ITGA9: variants seen among roughly 807,000 people sequenced by gnomAD.
ITGA9 encodes the protein integrin alpha-9.
ITGA9 carries 56 observed loss-of-function variants against 127.8 expected under a neutral mutation model. The observed-to-expected ratio is 0.44, with a 90% CI of 0.35 to 0.55. The LOEUF is 0.55. Ranked by LOEUF, ITGA9 falls within the 20% of genes least tolerant of loss-of-function variation. The pLI is 0.00. For synonymous variants in ITGA9, 508 were observed against 514.5 expected (o/e 0.99, Z 0.17); for missense variants, 1,196 against 1,347.1 (o/e 0.89, Z 1.76).
At chr3:37,789,514 C>G (rs1387608329) in intron 26 of ITGA9, among the ~76,000 whole-genome samples, 1 of 151,692 alleles carries the variant, frequency 6.6e-6, no homozygotes, top group Non-Finnish European at 1.5e-5. Flanking sequence ...AATCCTAGCA[C>G]TTTGGGAGGC....
At chr3:37,509,036 A>G (rs188781737) in intron 8 of ITGA9, among the ~76,000 whole-genome samples, 22 of 152,256 alleles carry the variant, frequency 1.4e-4, no homozygotes, top group Non-Finnish European at 2.9e-4. Context: ...TCACCAGCCC[A>G]ACATTACCCC....
chr3:37,639,303 C>T (rs1369569814), intron 16 of ITGA9, among the ~76,000 whole-genome samples: 1 of 152,192 alleles, frequency 6.6e-6, no homozygotes, highest in Non-Finnish European at 1.5e-5. Context: ...TAAATCATTG[C>T]TGCCTTCATT....
intron 15 of ITGA9, among the ~76,000 whole-genome samples, chr3:37,546,326 GAACTTT>G (rs1194134805): frequency 6.6e-6 from 1 of 152,146 alleles, no homozygotes; most frequent in African/African-American, 2.4e-5. Flanking sequence ...CACCGCGCTG[GAACTTT>G]CTTCCTGATG....
At position 37,475,875 on chromosome 3, in the gene ITGA9, C is replaced by T. The variant is rs567414471; in HGVS notation, c.420+2415C>T. ...ACAACACTCTCCTTTTTCTCCTTCC[C>T]GTGGTTCCTGGCAACATTGTATTTC... is the stretch of plus-strand genomic sequence containing the variant. On this transcript the variant is annotated intron_variant, in intron 3 of 27. Coordinates refer to ENST00000264741, the MANE Select transcript of ITGA9 (RefSeq NM_002207.3). 3.9e-5 allele frequency among the ~76,000 whole-genome samples: 6 copies of T among 152,152 alleles called. No individual in the cohort carries two copies. The East Asian group carries it at 5.8e-4, about 15-fold the overall frequency.
intron 3 of ITGA9, among the ~76,000 whole-genome samples, chr3:37,475,464 T>A (rs1009875508): frequency 1.1e-4 from 17 of 151,752 alleles, no homozygotes; most frequent in African/African-American, 4.1e-4. Flanking sequence ...CACAAAGGAG[T>A]CATTTCTGGG....
intron 17 of ITGA9, among the ~76,000 whole-genome samples, chr3:37,674,255 A>G (rs1415328724): frequency 1.3e-5 from 2 of 152,228 alleles, no homozygotes; most frequent in Admixed American, 6.5e-5. Flanking sequence ...AATAACTCTC[A>G]GATATGGCAG....
intron 7 of ITGA9, among the ~76,000 whole-genome samples, chr3:37,506,513 G>T (rs572358332): frequency 1.3e-5 from 2 of 152,236 alleles, no homozygotes; most frequent in East Asian, 3.9e-4. Context: ...AATTATTCTC[G>T]TATTTATTTC....
chr3:37,778,860 T>C (rs1228095377), intron 24 of ITGA9, among the ~76,000 whole-genome samples: 1 of 143,078 alleles, frequency 7.0e-6, no homozygotes, highest in Non-Finnish European at 1.5e-5. Context: ...TGTTTGCCAC[T>C]TGAAAGGTTG....
At chr3:37,581,140 A>G (rs1480895422) in intron 15 of ITGA9, among the ~76,000 whole-genome samples, 1 of 152,188 alleles carries the variant, frequency 6.6e-6, no homozygotes, top group African/African-American at 2.4e-5. Flanking sequence ...GATATTTTCA[A>G]AAAATCACTG....
chr3:37,556,788 C>T (rs574754695), intron 15 of ITGA9, among the ~76,000 whole-genome samples: 6 of 152,316 alleles, frequency 3.9e-5, no homozygotes, highest in South Asian at 2.1e-4. Context: ...AAGTGGGCCT[C>T]GGAGGGGCCA....
chr3:37,471,540 C>G (rs1197451499), intron 2 of ITGA9, among the ~76,000 whole-genome samples: 2 of 152,064 alleles, frequency 1.3e-5, no homozygotes, highest in Non-Finnish European at 2.9e-5. Flanking sequence ...GCAGAGGTGC[C>G]ATTTGGAAGC....
At chr3:37,536,428 T>G (rs1699209012) in intron 14 of ITGA9, among the ~76,000 whole-genome samples, 1 of 152,276 alleles carries the variant, frequency 6.6e-6, no homozygotes, top group African/African-American at 2.4e-5. Flanking sequence ...TGTGGTGGGC[T>G]AGGTACTGCT....
chr3:37,798,667 A>G (rs1457685594), intron 26 of ITGA9, among the ~76,000 whole-genome samples: 1 of 152,256 alleles, frequency 6.6e-6, no homozygotes, highest in African/African-American at 2.4e-5. Flanking sequence ...CAGTAAAGAT[A>G]AAAATGATTT....
At chr3:37,738,775 A>G (rs1434078789) in intron 20 of ITGA9, among the ~76,000 whole-genome samples, 1 of 152,216 alleles carries the variant, frequency 6.6e-6, no homozygotes, top group Non-Finnish European at 1.5e-5. Context: ...GTGACATGGA[A>G]GAGATTTCCC....
At chr3:37,531,872 T>A (rs1699155911) in intron 13 of ITGA9, among the ~76,000 whole-genome samples, 1 of 152,034 alleles carries the variant, frequency 6.6e-6, no homozygotes, top group African/African-American at 2.4e-5. Context: ...CCTTAGTAAG[T>A]GGGGGCCAGA....
intron 23 of ITGA9, among the ~76,000 whole-genome samples, chr3:37,776,332 A>C (rs183862833): frequency 5.9e-5 from 9 of 152,228 alleles, no homozygotes. Context: ...CCAAACATAA[A>C]ATAAAAGTTA....
At chr3:37,531,415 A>G (rs2125586073) in intron 13 of ITGA9, among the ~76,000 whole-genome samples, 1 of 152,328 alleles carries the variant, frequency 6.6e-6, no homozygotes, top group East Asian at 1.9e-4. Context: ...AAGGAGATGT[A>G]CCTGTGAAGG....
At chr3:37,537,557 CAAT>C (rs544169511) in intron 14 of ITGA9, among the ~76,000 whole-genome samples, 51 of 152,324 alleles carry the variant, frequency 3.3e-4, no homozygotes, top group African/African-American at 1.2e-3. Flanking sequence ...TTCAATCAAA[CAAT>C]AATAATTAAG....
At chr3:37,687,393 A>AG (rs149348014) in intron 18 of ITGA9, among the ~76,000 whole-genome samples, 11,485 of 152,216 alleles carry the variant, frequency 0.075, 1,312 homozygotes, top group African/African-American at 0.25. Flanking sequence ...AAAGGATGAC[A>AG]TGAGGACTAT....
Sources: gnomAD v4.1 joint callset for allele counts (sites outside exome capture counted in the v4.1 genomes callset) on GRCh38, gnomAD v4.1.1 for gene constraint, MANE v1.5 for transcripts, NCBI Gene and HGNC (gene_info 2026-07-23, HGNC 2026-07-21) for gene names.